RIMS1: variants seen among roughly 807,000 people sequenced by gnomAD.
RIMS1 encodes regulating synaptic membrane exocytosis protein 1.
In RIMS1, 83 loss-of-function variants were observed where a neutral mutation model predicts 214.1. That is an observed-to-expected ratio of 0.39 (90% CI 0.32 to 0.47). RIMS1 has a LOEUF of 0.47. Among genes scored for constraint, RIMS1 ranks in the 20% least tolerant of loss-of-function variants. The pLI is 0.99. For missense variants in RIMS1, 2,050 were observed against 2,161.8 expected, an observed-to-expected ratio of 0.95 and a Z score of 1.03; for synonymous variants, 793 against 786.8, an observed-to-expected ratio of 1.01 and a Z score of -0.13.
intron 2 of RIMS1, among the ~76,000 whole-genome samples, chr6:71,989,332 T>C (rs915793575): frequency 6.6e-5 from 10 of 152,192 alleles, no homozygotes; most frequent in Non-Finnish European, 1.0e-4. Context: ...TGCCTCAAGT[T>C]CCATAAACTC....
intron 19 of RIMS1, 23 bp from the exon 20 acceptor site, chr6:72,264,952 G>A (rs372082709): frequency 1.6e-4 from 243 of 1,502,896 alleles, no homozygotes; most frequent in Non-Finnish European, 2.1e-4. Flanking sequence ...TGTTTCCTGC[G>A]TGTTTGTGTT....
At chr6:72,250,787 C>CT in intron 13 of RIMS1, 134 bp from the exon 14 acceptor site, 1 of 589,004 alleles carries the variant, frequency 1.7e-6, no homozygotes, top group African/African-American at 1.9e-5. Flanking sequence ...TTATTAAACT[C>CT]TATTATCTTT....
At chr6:72,037,346 T>A (rs1426872729) in intron 2 of RIMS1, among the ~76,000 whole-genome samples, 1 of 152,056 alleles carries the variant, frequency 6.6e-6, no homozygotes, top group Non-Finnish European at 1.5e-5. Context: ...GGTATTCTCA[T>A]AATGAGAAAT....
intron 19 of RIMS1, chr6:72,263,401 C>T (rs2078942281): frequency 2.0e-6 from 2 of 980,096 alleles, no homozygotes; most frequent in Admixed American, 6.2e-5. Context: ...AGTTATTTCC[C>T]ACATTTTGTG....
intron 1 of RIMS1, among the ~76,000 whole-genome samples, chr6:71,918,495 A>G (rs1779070965): frequency 6.6e-6 from 1 of 152,184 alleles, no homozygotes. Context: ...AGTGGATTCA[A>G]GAAAGAATGT....
intron 4 of RIMS1, among the ~76,000 whole-genome samples, chr6:72,160,720 C>A (rs1259923098): frequency 7.1e-6 from 1 of 140,520 alleles, no homozygotes; most frequent in Non-Finnish European, 1.6e-5. Flanking sequence ...GCCTTGCATC[C>A]CAAGGATGAA....
intron 28 of RIMS1, among the ~76,000 whole-genome samples, chr6:72,318,328 C>G (rs1268379010): frequency 6.6e-6 from 1 of 151,992 alleles, no homozygotes. Flanking sequence ...TCATTTCCCC[C>G]CTCCATTACA....
At chr6:72,346,625 A>T (rs1258588772) in intron 29 of RIMS1, among the ~76,000 whole-genome samples, 1 of 151,742 alleles carries the variant, frequency 6.6e-6, no homozygotes, top group African/African-American at 2.4e-5. Context: ...CCTTCACTCT[A>T]TTAGGTTAGA....
intron 22 of RIMS1, among the ~76,000 whole-genome samples, chr6:72,267,568 G>A (rs2081168357): frequency 6.6e-6 from 1 of 152,026 alleles, no homozygotes; most frequent in Non-Finnish European, 1.5e-5. Flanking sequence ...CTTTTTTACA[G>A]CATAATAAGC....
At chr6:72,213,530 T>C (rs937546735) in intron 6 of RIMS1, among the ~76,000 whole-genome samples, 1 of 152,072 alleles carries the variant, frequency 6.6e-6, no homozygotes, top group African/African-American at 2.4e-5. Context: ...CAATGTTCTG[T>C]GAAAATAATT....
At chr6:71,963,892 T>G (rs1317704373) in intron 1 of RIMS1, among the ~76,000 whole-genome samples, 1 of 152,216 alleles carries the variant, frequency 6.6e-6, no homozygotes, top group Non-Finnish European at 1.5e-5. Context: ...TTTTATCTTC[T>G]TTATTCATTT....
At chr6:72,378,380 T>C (rs1461046074) in intron 29 of RIMS1, among the ~76,000 whole-genome samples, 1 of 152,228 alleles carries the variant, frequency 6.6e-6, no homozygotes, top group African/African-American at 2.4e-5. Context: ...AGAGAATCTA[T>C]TCCATTTTAC....
chr6:72,058,463 T>G (rs1018366190), intron 2 of RIMS1, among the ~76,000 whole-genome samples: 3 of 152,234 alleles, frequency 2.0e-5, no homozygotes, highest in African/African-American at 7.2e-5. Context: ...GAAGCCCCTC[T>G]GGGGTTGCAC....
At chr6:72,037,555 A>G (rs1019325909) in intron 2 of RIMS1, among the ~76,000 whole-genome samples, 5 of 152,108 alleles carry the variant, frequency 3.3e-5, no homozygotes, top group Non-Finnish European at 7.4e-5. Flanking sequence ...AGATATCAAA[A>G]AAACCCTACG....
intron 6 of RIMS1, among the ~76,000 whole-genome samples, chr6:72,212,529 G>A (rs2054002782): frequency 6.6e-6 from 1 of 152,048 alleles, no homozygotes; most frequent in African/African-American, 2.4e-5. Context: ...AATAATAAGT[G>A]CTCCCATTTA....
At chr6:72,201,663 A>C (rs2052004313) in intron 6 of RIMS1, among the ~76,000 whole-genome samples, 1 of 152,166 alleles carries the variant, frequency 6.6e-6, no homozygotes, top group Non-Finnish European at 1.5e-5. Flanking sequence ...AAGAGCTTGA[A>C]ACTCATCTTG....
In RIMS1 at chr6:71,980,545, G is replaced by A. The variant is rs116605896; in HGVS notation, c.245+11482G>A. ...AGGCAGTTGAGGCCAGTTTATGAAT[G>A]TCCTTGAAGTCCAGCTTTGATAAAT... On this transcript the variant is annotated intron_variant, in intron 2 of 33. Transcript: ENST00000521978. Among the ~76,000 whole-genome samples, 458 of 152,176 alleles carry A rather than the reference G, an allele frequency of 3.0e-3. 1 individual carries two copies. The highest frequency in any genetic ancestry group is 0.011 in the African/African-American group (438 of 41,552).
chr6:72,088,151 G>A (rs1835148399), intron 2 of RIMS1, among the ~76,000 whole-genome samples: 1 of 151,914 alleles, frequency 6.6e-6, no homozygotes, highest in South Asian at 2.1e-4. Context: ...TTTTCATAAA[G>A]TGTCAGTGAT....
chr6:72,222,223 G>C (rs2058683878), intron 6 of RIMS1, among the ~76,000 whole-genome samples: 1 of 151,556 alleles, frequency 6.6e-6, no homozygotes, highest in South Asian at 2.1e-4. Context: ...TTATTTTTTT[G>C]ACCTAATGTC....
Sources: gnomAD v4.1 joint callset for allele counts (sites outside exome capture counted in the v4.1 genomes callset) on GRCh38, gnomAD v4.1.1 for gene constraint, MANE v1.5 for transcripts, NCBI Gene and HGNC (gene_info 2026-07-23, HGNC 2026-07-21) for gene names.